Variants in SH3PXD2A observed in about 807,000 individuals in gnomAD.
The protein encoded by SH3PXD2A is SH3 and PX domains 2A, also known as SH3 and PX domain-containing protein 2A.
A neutral mutation model predicts 115.2 loss-of-function variants in SH3PXD2A; 32 were observed. The ratio of observed to expected loss-of-function variants is 0.28; its 90% CI spans 0.21 to 0.37. The LOEUF (loss-of-function observed/expected upper bound fraction) is 0.37, where lower values mean the gene tolerates loss of function less well. Among genes scored for constraint, SH3PXD2A ranks in the 10% least tolerant of loss-of-function variants. The pLI, the probability that SH3PXD2A is intolerant of heterozygous loss-of-function variation, is 1.00. For synonymous variants in SH3PXD2A, 610 were observed against 629.1 expected (o/e 0.97, Z 0.45); for missense variants, 1,328 against 1,498.7 (o/e 0.89, Z 1.88).
chr10:103,799,931 A>G (rs7900632), intron 2 of SH3PXD2A, among the ~76,000 whole-genome samples: 88,271 of 151,956 alleles, frequency 0.58, 27,208 homozygotes, highest in Middle Eastern at 0.72. Context: ...TTTGTAATAC[A>G]GGAAGCTAGG....
In SH3PXD2A at chr10:103,698,313, C is replaced by T. The variant is rs541974985; in HGVS notation, c.399-5257G>A. ...TGCTGCAGGGTTGTACCCTCCACTG[C>T]CCGCCACACCCCTCACCACTCTCCC... On this transcript the variant is annotated intron_variant, in intron 5 of 14. Coordinates refer to ENST00000369774, the MANE Select transcript of SH3PXD2A (RefSeq NM_001394015.1). 1.7e-4 allele frequency among the ~76,000 whole-genome samples: 26 copies of T among 152,330 alleles called. No homozygotes were observed. The South Asian group carries it at 4.8e-3, about 28-fold the overall frequency.
chr10:103,758,720 T>G (rs1046493115), intron 3 of SH3PXD2A, among the ~76,000 whole-genome samples: 4 of 152,198 alleles, frequency 2.6e-5, no homozygotes, highest in African/African-American at 7.2e-5. Flanking sequence ...AAGCAGTAAT[T>G]ACATCAAGAG....
intron 9 of SH3PXD2A, 129 bp downstream of exon 9, chr10:103,626,960 G>T (rs917440304): frequency 3.3e-6 from 2 of 615,092 alleles, no homozygotes; most frequent in African/African-American, 3.7e-5. Context: ...ACTGAGATGG[G>T]ATCCCAAGGG....
intron 1 of SH3PXD2A, among the ~76,000 whole-genome samples, chr10:103,827,818 G>T (rs917931708): frequency 6.6e-6 from 1 of 152,228 alleles, no homozygotes; most frequent in East Asian, 1.9e-4. Context: ...GCCTAGATTT[G>T]AATTCCGGCT....
chr10:103,765,299 TCGTTCAGGAGGTCTCTG>T (rs1458947719), intron 3 of SH3PXD2A, among the ~76,000 whole-genome samples: 1 of 152,126 alleles, frequency 6.6e-6, no homozygotes, highest in Non-Finnish European at 1.5e-5. Context: ...CAGGCCCCCC[TCGTTCAGGAGGTCTCTG>T]CTGACTTCCT....
Position 103,597,372 on chromosome 10 carries a change from A to G in SH3PXD2A, c.*4444T>C. 6.6e-6 allele frequency: 1 copy of G among 152,274 alleles called. No individual in the cohort carries two copies. The highest frequency in any genetic ancestry group is 1.9e-4 in the East Asian group (1 of 5,202). 9.4% of individuals were successfully genotyped at this position (152,274 alleles called of 1,614,324 possible). On this transcript the variant is annotated 3_prime_UTR_variant, in exon 15 of 15. Coordinates refer to ENST00000369774, the MANE Select transcript of SH3PXD2A (RefSeq NM_001394015.1). ...CATACACCAGAAGGATCACAGCCCAAATATCAGGACACTGGGGTGAGAGAG... is the reference window on the plus strand; with the variant it reads ...CATACACCAGAAGGATCACAGCCCAGATATCAGGACACTGGGGTGAGAGAG...
chr10:103,815,922 C>G (rs1013695699), intron 1 of SH3PXD2A, among the ~76,000 whole-genome samples: 1 of 151,626 alleles, frequency 6.6e-6, no homozygotes, highest in Non-Finnish European at 1.5e-5. Flanking sequence ...AAGAAAAATA[C>G]TGTATAATCT....
chr10:103,773,365 G>A (rs1243167946), intron 2 of SH3PXD2A, among the ~76,000 whole-genome samples: 2 of 152,088 alleles, frequency 1.3e-5, no homozygotes. Context: ...TTACATGCAG[G>A]GGACACATCA....
chr10:103,617,210 A>T lies in SH3PXD2A; in HGVS notation c.907T>A (p.Trp303Arg), dbSNP rs1188604535. 1.7e-5 allele frequency: 27 copies of T among 1,612,622 alleles called. No individual in the cohort carries two copies. Among genetic ancestry groups the T allele is most frequent in the Non-Finnish European group, 2.3e-5 (27 of 1,178,694 alleles). ...VEVIRKNLEG[W>R]WYIRYLGKEG... ...AGGGTTCCCTACCTGATATACCACC[A>T]GCCTTCCAGATTCTTCCGGATCACC... is the stretch of plus-strand genomic sequence containing the variant. The change falls in exon 11 of 15, where the codon TGG becomes AGG. Residue 303 changes from tryptophan to arginine, a missense_variant. Physicochemically the swap from Trp to Arg is moderately radical, Grantham distance 101 (BLOSUM62 -3). Transcript: ENST00000369774.
intron 11 of SH3PXD2A, among the ~76,000 whole-genome samples, chr10:103,615,240 G>GAGCT (rs1192185720): frequency 1.3e-5 from 2 of 152,224 alleles, no homozygotes; most frequent in Non-Finnish European, 2.9e-5. Flanking sequence ...GGACACTGTA[G>GAGCT]AGCTATGGGG....
chr10:103,611,148 C>T (rs1342454534), intron 13 of SH3PXD2A, among the ~76,000 whole-genome samples: 1 of 152,242 alleles, frequency 6.6e-6, no homozygotes, highest in Non-Finnish European at 1.5e-5. Context: ...AAGACGTTCA[C>T]TGATCTGCCC....
intron 1 of SH3PXD2A, among the ~76,000 whole-genome samples, chr10:103,820,701 C>T (rs1421680955): frequency 1.3e-5 from 2 of 152,122 alleles, no homozygotes; most frequent in African/African-American, 4.8e-5. Context: ...CCAGCCCTCC[C>T]AGGCTGCACA....
At chr10:103,603,919 T>G in intron 14 of SH3PXD2A, 130 bp from the exon 15 acceptor site, 1 of 1,067,092 alleles carries the variant, frequency 9.4e-7, no homozygotes, top group South Asian at 1.9e-5. Context: ...ACCGAGCCAC[T>G]GAGTAAGTGG....
At chr10:103,823,540 A>G (rs772595884) in intron 1 of SH3PXD2A, among the ~76,000 whole-genome samples, 3 of 152,218 alleles carry the variant, frequency 2.0e-5, no homozygotes, top group Non-Finnish European at 4.4e-5. Context: ...ACAGCCATAC[A>G]TCATTAAGCC....
intron 3 of SH3PXD2A, among the ~76,000 whole-genome samples, chr10:103,760,163 G>A (rs1459346156): frequency 6.6e-6 from 1 of 152,204 alleles, no homozygotes; most frequent in East Asian, 1.9e-4. Context: ...ATAAAAAGAT[G>A]CAGGCTCCCC....
chr10:103,735,804 C>A lies in SH3PXD2A; in HGVS notation c.234G>T (p.Lys78Asn). ...GGATGTGGCTTCTGCGGAAGAGGAT[C>A]TTGCCTGGAAGAGAGATGCTCATGA... ...KQRIIPFLPG[K>N]ILFRRSHIRD... is the part of the protein sequence containing the mutation. Residue 78 changes from lysine (K) to asparagine (N), a missense_variant, in exon 4 of 15, where the codon AAG becomes AAT. By Grantham distance (94) the Lys-to-Asn change is moderately conservative (BLOSUM62 0). Around this residue, in one of 5 missense-constraint regions of SH3PXD2A, gnomAD observed 110 missense variants for 160.0 expected, o/e 0.69. Transcript: ENST00000369774. 6.2e-7 allele frequency: 1 copy of A among 1,613,682 alleles called. No homozygotes were observed. Among genetic ancestry groups the A allele is most frequent in the Non-Finnish European group, 8.5e-7 (1 of 1,179,664 alleles).
intron 8 of SH3PXD2A, among the ~76,000 whole-genome samples, chr10:103,632,921 C>T (rs1420069352): frequency 6.6e-6 from 1 of 152,046 alleles, no homozygotes; most frequent in African/African-American, 2.4e-5. Context: ...TTGCGGTGAG[C>T]TGAGATCATG....
chr10:103,777,109 A>T (rs1203741300), intron 2 of SH3PXD2A, among the ~76,000 whole-genome samples: 1 of 152,250 alleles, frequency 6.6e-6, no homozygotes, highest in Non-Finnish European at 1.5e-5. Flanking sequence ...CTCATCTGTG[A>T]AATGGGAACA....
intron 2 of SH3PXD2A, among the ~76,000 whole-genome samples, chr10:103,783,591 C>A (rs1208010690): frequency 6.6e-6 from 1 of 152,218 alleles, no homozygotes; most frequent in Non-Finnish European, 1.5e-5. Flanking sequence ...AGCAGCTGAC[C>A]CAGGCACAGG....
Sources: allele counts gnomAD v4.1 joint callset (sites outside exome capture counted in the v4.1 genomes callset), GRCh38; gene constraint gnomAD v4.1.1; regional missense constraint gnomAD v4.1.1; transcripts MANE v1.5; gene names NCBI Gene and HGNC (gene_info 2026-07-23, HGNC 2026-07-21).